CDON: variants seen among roughly 807,000 people sequenced by gnomAD.
CDON encodes the protein cell adhesion associated, oncogene regulated.
Under a neutral mutation model 120.9 loss-of-function variants are expected in CDON, and 73 were observed. That is an observed-to-expected ratio of 0.60 (90% confidence interval 0.50 to 0.73). The LOEUF is 0.73. Ranked by LOEUF, CDON falls within the 30% of genes least tolerant of loss-of-function variation. The probability of loss-of-function intolerance (pLI) is 0.00; values close to 1 mark genes in which losing one functional copy is unlikely to be tolerated. For synonymous variants in CDON, 566 were observed against 573.5 expected, an observed-to-expected ratio of 0.99 and a Z score of 0.19; for missense variants, 1,470 against 1,587.3, an observed-to-expected ratio of 0.93 and a Z score of 1.26.
intron 4 of CDON, 107 bp downstream of exon 4, chr11:126,019,512 T>C (rs1355236475): frequency 2.5e-6 from 3 of 1,214,818 alleles, no homozygotes; most frequent in Non-Finnish European, 3.6e-6. Context: ...TCTCCACTCA[T>C]GCCTTCTTGT....
chr11:125,969,434 T>C (rs1327846374), intron 18 of CDON, among the ~76,000 whole-genome samples: 2 of 152,222 alleles, frequency 1.3e-5, no homozygotes, highest in African/African-American at 4.8e-5. Flanking sequence ...AGGACAAATG[T>C]CTGCAAACAT....
At chr11:126,028,373 C>CT (rs199804227) in intron 1 of CDON, among the ~76,000 whole-genome samples, 15,107 of 147,776 alleles carry the variant, frequency 0.1, 780 homozygotes, top group Admixed American at 0.13. Flanking sequence ...TATTAAAATT[C>CT]TTTTTTTTTT....
At chr11:126,031,976 A>G (rs1000612285) in intron 1 of CDON, among the ~76,000 whole-genome samples, 7 of 152,162 alleles carry the variant, frequency 4.6e-5, no homozygotes, top group African/African-American at 1.7e-4. Flanking sequence ...ATCTCTACAA[A>G]TGTGCTTTCA....
intron 1 of CDON, among the ~76,000 whole-genome samples, chr11:126,027,779 G>C (rs1947832299): frequency 6.6e-6 from 1 of 152,112 alleles, no homozygotes; most frequent in South Asian, 2.1e-4. Context: ...GACCAGCAGA[G>C]AAAACAATCC....
At chr11:126,030,135 T>C (rs750150335) in intron 1 of CDON, among the ~76,000 whole-genome samples, 8 of 152,236 alleles carry the variant, frequency 5.3e-5, no homozygotes, top group Non-Finnish European at 8.8e-5. Flanking sequence ...CTACTTTATA[T>C]GCCATGCCAA....
chr11:125,996,063 A>T (rs954356423), intron 12 of CDON, among the ~76,000 whole-genome samples: 1 of 152,108 alleles, frequency 6.6e-6, no homozygotes, highest in Non-Finnish European at 1.5e-5. Flanking sequence ...TGTCCACAAC[A>T]CTAAGCACTG....
At chr11:126,008,085 G>A (rs541585099) in intron 8 of CDON, among the ~76,000 whole-genome samples, 1 of 152,238 alleles carries the variant, frequency 6.6e-6, no homozygotes, top group Admixed American at 6.5e-5. Context: ...ACTGCTGCCA[G>A]CAACTCACAA....
chr11:126,005,724 T>A, intron 9 of CDON, 35 bp downstream of exon 9: 1 of 1,595,238 alleles, frequency 6.3e-7, no homozygotes, highest in Admixed American at 1.7e-5. Flanking sequence ...CGTTCAGGTG[T>A]GAGCCGAGAA....
chr11:126,023,834 T>C (rs1235761387), intron 1 of CDON, among the ~76,000 whole-genome samples: 2 of 152,184 alleles, frequency 1.3e-5, no homozygotes, highest in African/African-American at 4.8e-5. Context: ...CTCACAAACA[T>C]ACAAAACTCA....
At chr11:125,976,109 A>T (rs892648119) in intron 18 of CDON, among the ~76,000 whole-genome samples, 1 of 152,264 alleles carries the variant, frequency 6.6e-6, no homozygotes, top group Non-Finnish European at 1.5e-5. Flanking sequence ...ACCACGTATC[A>T]TCTACCTTTC....
At chr11:125,970,588 T>A (rs929329102) in intron 18 of CDON, among the ~76,000 whole-genome samples, 1 of 152,230 alleles carries the variant, frequency 6.6e-6, no homozygotes, top group Non-Finnish European at 1.5e-5. Context: ...AGAACCCTGA[T>A]GGCACCGCTC....
At chr11:126,061,430 C>T (rs1489079874) in intron 1 of CDON, among the ~76,000 whole-genome samples, 2 of 152,164 alleles carry the variant, frequency 1.3e-5, no homozygotes, top group Non-Finnish European at 2.9e-5. Context: ...CCCAAATTTT[C>T]AGCTAAAAAT....
At chr11:126,040,475 T>C (rs1565548573) in intron 1 of CDON, among the ~76,000 whole-genome samples, 1 of 152,216 alleles carries the variant, frequency 6.6e-6, no homozygotes, top group East Asian at 1.9e-4. Flanking sequence ...GACTTATGTT[T>C]TACTACAACA....
At chr11:126,014,491 G>A (rs1000474654) in intron 7 of CDON, among the ~76,000 whole-genome samples, 3 of 152,166 alleles carry the variant, frequency 2.0e-5, no homozygotes, top group Admixed American at 2.0e-4. Flanking sequence ...AACGACTATG[G>A]AGAGTGATTC....
At chr11:126,017,848 C>T (rs890482895) in intron 5 of CDON, among the ~76,000 whole-genome samples, 2 of 152,082 alleles carry the variant, frequency 1.3e-5, no homozygotes, top group African/African-American at 4.8e-5. Context: ...AAATTCCCTT[C>T]TGTAAGTTAC....
rs969604634 is a variant in CDON, at chr11:126,003,850, A to T, written c.2026+52T>A. 4 of 1,502,750 alleles carry T rather than the reference A, an allele frequency of 2.7e-6. No individual in the cohort carries two copies. In the African/African-American group the frequency reaches 5.5e-5, roughly 21 times the overall value. The allele number at this position is 1,502,750 out of a possible 1,614,324, so 93.1% of individuals were successfully genotyped here. A position where few individuals can be genotyped will look rare whatever the true frequency, so the allele number is the denominator to read the frequency against. ...AAATAAATTAATAATTCTCACTAAT[A>T]AATTGACATCAGGGCAGCCAGCTCA... On this transcript the variant is annotated intron_variant, in intron 10 of 19. Coordinates refer to ENST00000531738, the MANE Select transcript of CDON (RefSeq NM_001378964.1).
chr11:125,959,630 AC>A lies in CDON; in HGVS notation c.*1311del. ...ACAAAAAAAAACAAAAAACAAACAA[AC>A]AAAAAAAAACCCTTTTCTTCCAAAG... On this transcript the variant is annotated 3_prime_UTR_variant, in exon 20 of 20. Transcript: ENST00000531738. 1 of 151,998 alleles carries A rather than the reference AC, an allele frequency of 6.6e-6. No homozygotes were observed. The highest frequency in any genetic ancestry group is 2.4e-5 in the African/African-American group (1 of 41,366). 9.4% of individuals were successfully genotyped at this position (151,998 alleles called of 1,614,324 possible). A position where few individuals can be genotyped will look rare whatever the true frequency, so the allele number is the denominator to read the frequency against.
intron 1 of CDON, among the ~76,000 whole-genome samples, chr11:126,044,803 T>C (rs189361415): frequency 3.9e-5 from 6 of 152,104 alleles, no homozygotes; most frequent in Admixed American, 1.3e-4. Context: ...AATAATTAGA[T>C]AGAATGAATA....
Position 125,994,361 on chromosome 11 carries a change from G to A in CDON, c.2573C>T (p.Pro858Leu). 1 of 1,586,884 alleles carries A rather than the reference G, an allele frequency of 6.3e-7. No homozygotes were observed. The highest frequency in any genetic ancestry group is 2.2e-5 in the East Asian group (1 of 44,710). The change falls in exon 14 of 20, where the codon CCC (proline) becomes CTC (leucine). Residue 858 changes from proline to leucine, a missense_variant. Pro to Leu is a moderately conservative substitution (Grantham distance 98). Coordinates refer to ENST00000531738, the MANE Select transcript of CDON (RefSeq NM_001378964.1). ...TYIPSSNNNT[P>L]IQGFYIYYRP... ...GTAATAGATATAAAATCCTTGAATGGGAGTGTTATTGTTACTTGATGGAAT... is the reference window on the plus strand; with the variant it reads ...GTAATAGATATAAAATCCTTGAATGAGAGTGTTATTGTTACTTGATGGAAT...
Sources: gnomAD v4.1 joint callset for allele counts (sites outside exome capture counted in the v4.1 genomes callset) on GRCh38, gnomAD v4.1.1 for gene constraint, MANE v1.5 for transcripts, NCBI Gene and HGNC (gene_info 2026-07-23, HGNC 2026-07-21) for gene names.